The following ADD3 variants were observed in gnomAD, a reference collection of about 807,000 sequenced individuals.
The protein encoded by ADD3 is adducin 3.
A neutral mutation model predicts 80.2 loss-of-function variants in ADD3; 25 were observed. That is an observed-to-expected ratio of 0.31 (90% confidence interval 0.23 to 0.44). The LOEUF (loss-of-function observed/expected upper bound fraction) is 0.44, where lower values mean the gene tolerates loss of function less well. ADD3 is among the 20% of genes least tolerant of loss of function. The pLI is 1.00. For synonymous variants in ADD3, 284 were observed against 289.6 expected, an observed-to-expected ratio of 0.98 and a Z score of 0.20; for missense variants, 829 against 847.5, an observed-to-expected ratio of 0.98 and a Z score of 0.27.
chr10:110,020,952 A>G (rs1380350361), intron 1 of ADD3, among the ~76,000 whole-genome samples: 1 of 152,216 alleles, frequency 6.6e-6, no homozygotes, highest in Non-Finnish European at 1.5e-5. Flanking sequence ...AATGTCTGTT[A>G]GACATCTATT....
chr10:110,112,582 T>C (rs911801641), intron 2 of ADD3, among the ~76,000 whole-genome samples, 195 bp from the exon 3 acceptor site: 1 of 152,186 alleles, frequency 6.6e-6, no homozygotes, highest in African/African-American at 2.4e-5. Context: ...CTAGTGGTTT[T>C]CCCCCCTAAA....
intron 1 of ADD3, among the ~76,000 whole-genome samples, chr10:110,048,725 G>A (rs1345465202): frequency 1.3e-5 from 2 of 152,186 alleles, no homozygotes; most frequent in African/African-American, 2.4e-5. Flanking sequence ...CATTCAAGAG[G>A]TGACTTGGGT....
chr10:110,014,115 G>C (rs1852647293), intron 1 of ADD3, among the ~76,000 whole-genome samples: 1 of 152,140 alleles, frequency 6.6e-6, no homozygotes, highest in African/African-American at 2.4e-5. Context: ...AGATAGTTAG[G>C]CTTACTTGGT....
intron 1 of ADD3, among the ~76,000 whole-genome samples, chr10:110,100,104 T>C (rs1848631594): frequency 1.3e-5 from 2 of 152,158 alleles, no homozygotes; most frequent in South Asian, 4.1e-4. Flanking sequence ...ATCCCAATGC[T>C]TTGGGAGGCC....
rs1853326581 is a variant in ADD3 at position 110,133,501 on chromosome 10, CGAA to C, written c.2009_2011del (p.Glu670del). 1 of 1,613,466 alleles carries C rather than the reference CGAA, an allele frequency of 6.2e-7. No homozygotes were observed. The highest frequency in any genetic ancestry group is 8.5e-7 in the Non-Finnish European group (1 of 1,179,668). On this transcript the variant is annotated inframe_deletion, in exon 15 of 15. Coordinates refer to ENST00000356080, the MANE Select transcript of ADD3 (RefSeq NM_016824.5). ...TTACTATTAAGTCTCCAGAGAAAAT[CGAA>C]GAAGTCCTGTCACCTGAAGGCTCCC...
intron 1 of ADD3, among the ~76,000 whole-genome samples, chr10:110,024,592 A>G (rs1854063799): frequency 6.6e-6 from 1 of 152,206 alleles, no homozygotes; most frequent in South Asian, 2.1e-4. Flanking sequence ...GGGAGAAAAC[A>G]CTGAATTTGA....
At chr10:110,053,909 A>G (rs577567787) in intron 1 of ADD3, among the ~76,000 whole-genome samples, 88 of 152,342 alleles carry the variant, frequency 5.8e-4, no homozygotes, top group Non-Finnish European at 1.0e-3. Context: ...GCCAAGTTCT[A>G]TGTACGAAGA....
At chr10:109,999,223 G>T (rs1328888567) in intron 1 of ADD3, among the ~76,000 whole-genome samples, 5 of 152,182 alleles carry the variant, frequency 3.3e-5, no homozygotes, top group African/African-American at 1.2e-4. Context: ...CAGGCAAACA[G>T]ATTTGTTTGC....
intron 1 of ADD3, among the ~76,000 whole-genome samples, chr10:110,023,055 T>G (rs1360082477): frequency 6.6e-6 from 1 of 152,074 alleles, no homozygotes; most frequent in African/African-American, 2.4e-5. Context: ...TCTCTGAGAT[T>G]TGGTTGTGTG....
chr10:110,039,039 C>G (rs1180055539), intron 1 of ADD3, among the ~76,000 whole-genome samples: 1 of 152,122 alleles, frequency 6.6e-6, no homozygotes, highest in African/African-American at 2.4e-5. Context: ...TCTGTGTTGG[C>G]AGATTTGTGG....
At chr10:110,065,490 C>CTG (rs1024335139) in intron 1 of ADD3, among the ~76,000 whole-genome samples, 2 of 1,362 alleles carry the variant, frequency 1.5e-3, no homozygotes, top group Non-Finnish European at 0.023. Context: ...CTCTGTCTGT[C>CTG]TCTCTCTCTC....
At chr10:110,069,908 G>C (rs926446913) in intron 1 of ADD3, among the ~76,000 whole-genome samples, 1 of 152,148 alleles carries the variant, frequency 6.6e-6, no homozygotes. Context: ...ACTGTGGTTC[G>C]CTAATAGATT....
intron 1 of ADD3, among the ~76,000 whole-genome samples, chr10:110,073,540 G>C (rs1845033100): frequency 1.3e-5 from 2 of 152,238 alleles, no homozygotes; most frequent in African/African-American, 4.8e-5. Context: ...CGGCACAGCA[G>C]TCTAAATTAT....
chr10:110,057,201 G>T (rs543698915), intron 1 of ADD3, among the ~76,000 whole-genome samples: 100 of 152,182 alleles, frequency 6.6e-4, no homozygotes, highest in South Asian at 1.9e-3. Context: ...CTCTAATTGG[G>T]TATTATGTGA....
chr10:110,012,732 T>C (rs1852469262), intron 1 of ADD3, among the ~76,000 whole-genome samples: 1 of 151,884 alleles, frequency 6.6e-6, no homozygotes, highest in Non-Finnish European at 1.5e-5. Context: ...ACAAGATGTA[T>C]AGGCCTTGGC....
chr10:110,037,604 CAAAAAAA>C (rs998064830), intron 1 of ADD3, among the ~76,000 whole-genome samples: 17 of 51,128 alleles, frequency 3.3e-4, no homozygotes, highest in African/African-American at 1.2e-3. Flanking sequence ...GACTCAGTCT[CAAAAAAA>C]AAAAAAAAAA....
chr10:109,996,410 T>G (rs922338718), exon 1 of ADD3: 4 of 152,218 alleles, frequency 2.6e-5, no homozygotes, highest in Non-Finnish European at 5.9e-5. Context: ...TGTGAGAAAC[T>G]TGGCTTGTTC....
chr10:110,058,562 A>G (rs1858493638), intron 1 of ADD3, among the ~76,000 whole-genome samples: 1 of 152,212 alleles, frequency 6.6e-6, no homozygotes, highest in Admixed American at 6.5e-5. Flanking sequence ...CTGTGGCAAC[A>G]GTGCTGTGCT....
At chr10:110,102,312 A>G (rs906725214) in intron 2 of ADD3, among the ~76,000 whole-genome samples, 1 of 152,188 alleles carries the variant, frequency 6.6e-6, no homozygotes, top group Admixed American at 6.5e-5. Flanking sequence ...ATTTTTAAGA[A>G]CTAACTTACT....
Sources: allele counts gnomAD v4.1 joint callset (sites outside exome capture counted in the v4.1 genomes callset), GRCh38; gene constraint gnomAD v4.1.1; transcripts MANE v1.5; gene names NCBI Gene and HGNC (gene_info 2026-07-23, HGNC 2026-07-21).